Variants in IGF2BP2 observed in about 807,000 individuals in gnomAD.
The protein encoded by IGF2BP2 is insulin-like growth factor 2 mRNA-binding protein 2.
In IGF2BP2, 17 loss-of-function variants were observed where a neutral mutation model predicts 75.8. That is an observed-to-expected ratio of 0.22 (90% confidence interval 0.15 to 0.34). The LOEUF is 0.34. Ranked by LOEUF, IGF2BP2 falls within the 10% of genes least tolerant of loss-of-function variation. The pLI is 1.00. For synonymous variants in IGF2BP2, 288 were observed against 295.6 expected, an observed-to-expected ratio of 0.97 and a Z score of 0.26; for missense variants, 516 against 772.4, an observed-to-expected ratio of 0.67 and a Z score of 3.93.
At chr3:185,823,072 A>T (rs1323213558) in intron 2 of IGF2BP2, 81 bp downstream of exon 2, 1 of 837,536 alleles carries the variant, frequency 1.2e-6, no homozygotes, top group Non-Finnish European at 1.8e-6. Context: ...TACCAAGAGC[A>T]CGTTTTTTAA....
At chr3:185,723,479 C>A (rs1025213438) in intron 2 of IGF2BP2, among the ~76,000 whole-genome samples, 5 of 152,160 alleles carry the variant, frequency 3.3e-5, no homozygotes, top group Admixed American at 3.3e-4. Flanking sequence ...GGATGAGAAG[C>A]CACATCTTCT....
chr3:185,754,281 C>T (rs1032274224), intron 2 of IGF2BP2, among the ~76,000 whole-genome samples: 3 of 152,040 alleles, frequency 2.0e-5, no homozygotes, highest in Non-Finnish European at 4.4e-5. Context: ...ATGTGACATG[C>T]CTGCTTCCCC....
At position 185,643,235 on chromosome 3, in the gene IGF2BP2, G is replaced by A. The variant is rs558047309; in HGVS notation, c.*2296C>T. On this transcript the variant is annotated 3_prime_UTR_variant, in exon 16 of 16. Transcript: ENST00000382199. Reference sequence around the variant, plus strand: ...GCCTGCACTTACTAGTGAGCTTCCCGTGGAGGCGTGAAGTGCCTCTTCCCG... The same window carrying A: ...GCCTGCACTTACTAGTGAGCTTCCCATGGAGGCGTGAAGTGCCTCTTCCCG... 5.3e-5 allele frequency among the ~76,000 whole-genome samples: 8 copies of A among 152,286 alleles called. No homozygotes were observed. The highest frequency in any genetic ancestry group is 4.1e-4 in the South Asian group (2 of 4,826).
chr3:185,823,906 C>A (rs544152068), intron 1 of IGF2BP2, among the ~76,000 whole-genome samples: 135 of 151,896 alleles, frequency 8.9e-4, no homozygotes, highest in African/African-American at 3.1e-3. Flanking sequence ...GTCTGGGCTC[C>A]AGCGCGCTCG....
chr3:185,670,444 A>G (rs1718337150), intron 10 of IGF2BP2, among the ~76,000 whole-genome samples: 1 of 152,202 alleles, frequency 6.6e-6, no homozygotes, highest in South Asian at 2.1e-4. Flanking sequence ...GGAATAGATA[A>G]TATGTATATA....
rs377379176 is a variant in IGF2BP2 at position 185,689,417 on chromosome 3, A to G, written c.615T>C (p.Val205=). Residue 205 remains valine, a synonymous_variant, in exon 6 of 16, where the codon GTT becomes GTC. Coordinates refer to ENST00000382199, the MANE Select transcript of IGF2BP2 (RefSeq NM_006548.6). ...PLRILVPTQF[V]GAIIGKEGLT... ...AGCCCTCCTTTCCGATGATGGCACCAACAAACTGGGTGGGGACCAGGATCC... is the reference window on the plus strand; with the variant it reads ...AGCCCTCCTTTCCGATGATGGCACCGACAAACTGGGTGGGGACCAGGATCC... 3.2e-5 allele frequency: 52 copies of G among 1,613,946 alleles called. No individual in the cohort carries two copies. Among genetic ancestry groups the G allele is most frequent in the Non-Finnish European group, 4.2e-5 (50 of 1,180,028 alleles).
At chr3:185,659,257 AGAG>A (rs1037088887) in intron 10 of IGF2BP2, among the ~76,000 whole-genome samples, 1 of 151,998 alleles carries the variant, frequency 6.6e-6, no homozygotes, top group African/African-American at 2.4e-5. Context: ...AGTGACTGAG[AGAG>A]GAGAGAAAGA....
At chr3:185,666,001 C>CACAG (rs370712954) in intron 10 of IGF2BP2, among the ~76,000 whole-genome samples, 1 of 145,294 alleles carries the variant, frequency 6.9e-6, no homozygotes, top group African/African-American at 2.6e-5. Flanking sequence ...TAGATAGGTA[C>CACAG]ATAGATAGAT....
chr3:185,670,397 T>A (rs1161792485), intron 10 of IGF2BP2, among the ~76,000 whole-genome samples: 2 of 152,188 alleles, frequency 1.3e-5, no homozygotes, highest in African/African-American at 4.8e-5. Context: ...GTGATCTGTA[T>A]GTATCTACTC....
chr3:185,820,946 G>A (rs1741296920), intron 2 of IGF2BP2: 1 of 1,466,366 alleles, frequency 6.8e-7, no homozygotes, highest in Non-Finnish European at 9.1e-7. Flanking sequence ...TCACAGAAAT[G>A]CAACACAAGA....
At chr3:185,661,099 G>T (rs1392601911) in intron 10 of IGF2BP2, among the ~76,000 whole-genome samples, 1 of 152,200 alleles carries the variant, frequency 6.6e-6, no homozygotes, top group Non-Finnish European at 1.5e-5. Flanking sequence ...AGTAACAGCT[G>T]AAAAATTGTC....
chr3:185,711,039 T>C (rs1724724100), intron 2 of IGF2BP2, among the ~76,000 whole-genome samples: 1 of 152,164 alleles, frequency 6.6e-6, no homozygotes, highest in African/African-American at 2.4e-5. Context: ...TAGCCAACTT[T>C]AAAAACAGAT....
chr3:185,648,422 C>T (rs1019055034), intron 14 of IGF2BP2, among the ~76,000 whole-genome samples: 4 of 148,638 alleles, frequency 2.7e-5, no homozygotes, highest in Non-Finnish European at 5.9e-5. Context: ...CAGATGGCAC[C>T]ACTGCACTCC....
Position 185,645,707 on chromosome 3 carries a change from G to A in IGF2BP2, c.1708-84C>T, listed in dbSNP as rs988189219. The A allele has an allele frequency of 2.0e-6, 2 of 980,368 alleles. No individual in the cohort carries two copies. Among genetic ancestry groups the A allele is most frequent in the Non-Finnish European group, 3.3e-6 (2 of 610,306 alleles). 60.7% of individuals were successfully genotyped at this position (980,368 alleles called of 1,614,324 possible). Reference sequence around the variant, plus strand: ...AGGACAAACGGCAGGGGAGGCTCTGGGGCTTGGGGATGAAGGGTGGAATGC... The same window carrying A: ...AGGACAAACGGCAGGGGAGGCTCTGAGGCTTGGGGATGAAGGGTGGAATGC... On this transcript the variant is annotated intron_variant, in intron 15 of 15. Coordinates refer to ENST00000382199, the MANE Select transcript of IGF2BP2 (RefSeq NM_006548.6). This position sits in a 1 kb window ranked among gnomAD's most constrained non-coding sequence, Gnocchi z 4.9.
chr3:185,732,096 C>A (rs1728272697), intron 2 of IGF2BP2, among the ~76,000 whole-genome samples: 1 of 152,298 alleles, frequency 6.6e-6, no homozygotes, highest in South Asian at 2.1e-4. Flanking sequence ...CTCCAACCCT[C>A]CTTCAAAACA....
intron 2 of IGF2BP2, among the ~76,000 whole-genome samples, chr3:185,768,721 A>G (rs1185269420): frequency 6.6e-6 from 1 of 152,212 alleles, no homozygotes; most frequent in Non-Finnish European, 1.5e-5. Flanking sequence ...TGATAGATCA[A>G]TAAGCACCTT....
chr3:185,699,384 T>C (rs576276961), intron 2 of IGF2BP2, among the ~76,000 whole-genome samples: 11 of 152,306 alleles, frequency 7.2e-5, no homozygotes, highest in Middle Eastern at 6.8e-3. Context: ...TGAGGTCATA[T>C]AGTGGGCTTC....
intron 10 of IGF2BP2, among the ~76,000 whole-genome samples, chr3:185,671,901 C>T (rs1389120261): frequency 6.6e-6 from 1 of 152,174 alleles, no homozygotes; most frequent in African/African-American, 2.4e-5. Context: ...TGTCAAGTAT[C>T]CTGAGCCCCC....
chr3:185,650,276 CTT>C (rs879270422), intron 13 of IGF2BP2, among the ~76,000 whole-genome samples: 4 of 138,690 alleles, frequency 2.9e-5, no homozygotes, highest in African/African-American at 2.7e-5. Flanking sequence ...ACCTATCTTT[CTT>C]TTTTTTTTTT....
Sources: gnomAD v4.1 joint callset for allele counts (sites outside exome capture counted in the v4.1 genomes callset) on GRCh38, gnomAD v4.1.1 for gene constraint, Gnocchi (gnomAD v3.1) non-coding constraint, MANE v1.5 for transcripts, NCBI Gene and HGNC (gene_info 2026-07-23, HGNC 2026-07-21) for gene names.